The following SH3TC2 variants were observed in gnomAD, a reference collection of about 807,000 sequenced individuals.
SH3TC2 encodes the protein SH3 domain and tetratricopeptide repeats 2.
Under a neutral mutation model 124.5 loss-of-function variants are expected in SH3TC2, and 87 were observed. That is an observed-to-expected ratio of 0.70 (90% CI 0.59 to 0.84). The LOEUF (loss-of-function observed/expected upper bound fraction) is 0.84, where lower values mean the gene tolerates loss of function less well. Among genes scored for constraint, SH3TC2 ranks in the 40% least tolerant of loss-of-function variants. The pLI, the probability that SH3TC2 is intolerant of heterozygous loss-of-function variation, is 0.00. For missense variants in SH3TC2, 1,536 were observed against 1,566.4 expected (o/e 0.98, Z 0.33); for synonymous variants, 634 against 628.5 (o/e 1.01, Z -0.13).
Position 148,990,628 on chromosome 5 carries a change from T to A in SH3TC2, c.*14083A>T, listed in dbSNP as rs562719460. On this transcript the variant is annotated 3_prime_UTR_variant, in exon 17 of 17. Transcript: ENST00000515425. ...TTCTCCAAGACCTTGTTTCCTCACC[T>A]ATAAAATGGGCATGTTAATAATACC... Among the ~76,000 whole-genome samples the A allele has an allele frequency of 1.3e-5, 2 of 152,298 alleles. No individual in the cohort carries two copies. Among genetic ancestry groups the A allele is most frequent in the South Asian group, 4.1e-4 (2 of 4,822 alleles).
chr5:149,004,815 T>C lies in SH3TC2; in HGVS notation c.3763A>G (p.Ser1255Gly), dbSNP rs1753658226. Residue 1255 changes from serine (S) to glycine (G), a missense_variant, in exon 17 of 17, where the codon AGC becomes GGC. Coordinates refer to ENST00000515425, the MANE Select transcript of SH3TC2 (RefSeq NM_024577.4). ...CTCTGGCAGATGTTGTCCAGCCTGC[T>C]CCTAATGGTGTCCTGAAGCTCCTCA... is the stretch of plus-strand genomic sequence containing the variant. ...GDEELQDTIR[S>G]RLDNICQSPL... is the part of the protein sequence containing the mutation. 2 of 1,613,966 alleles carry C rather than the reference T, an allele frequency of 1.2e-6. No homozygotes were observed. Among genetic ancestry groups the C allele is most frequent in the African/African-American group, 1.3e-5 (1 of 74,892 alleles).
chr5:149,011,983 A>T (rs1580890946), intron 13 of SH3TC2, among the ~76,000 whole-genome samples: 1 of 152,178 alleles, frequency 6.6e-6, no homozygotes, highest in African/African-American at 2.4e-5. Context: ...ACTAATCCTT[A>T]TGCTAAAAGA....
rs1344068261 is a variant in SH3TC2, at chr5:149,028,661, C to A, written c.1177+16G>T. ...CCTCAAGGATGAATGTCAGGTTCAG[C>A]ATGATCGCTACTCACCACTCAGATC... On this transcript the variant is annotated intron_variant, in intron 10 of 16. Coordinates refer to ENST00000515425, the MANE Select transcript of SH3TC2 (RefSeq NM_024577.4). 1 of 1,614,072 alleles carries A rather than the reference C, an allele frequency of 6.2e-7. No homozygotes were observed. Among genetic ancestry groups the A allele is most frequent in the African/African-American group, 1.3e-5 (1 of 74,926 alleles).
rs765690419 is a variant in SH3TC2 at position 149,041,454 on chromosome 5, C to T, written c.693G>A (p.Leu231=). 1 of 1,613,574 alleles carries T rather than the reference C, an allele frequency of 6.2e-7. No homozygotes were observed. Among genetic ancestry groups the T allele is most frequent in the Non-Finnish European group, 8.5e-7 (1 of 1,180,026 alleles). The change falls in exon 6 of 17, where the codon CTG becomes CTA. Residue 231 remains leucine (L), a synonymous_variant. Transcript: ENST00000515425. ...SLVTGQRGLV[L]VSALEPLPLP... Reference sequence around the variant, plus strand: ...GAGGCAGAGGCTCCAAGGCTGACACCAGTACCAGGCCCCGCTGACCTGTCA... The same window carrying T: ...GAGGCAGAGGCTCCAAGGCTGACACTAGTACCAGGCCCCGCTGACCTGTCA...
chr5:149,057,463 A>C (rs1318163945), intron 1 of SH3TC2: 2 of 151,884 alleles, frequency 1.3e-5, no homozygotes, highest in Non-Finnish European at 2.9e-5. Flanking sequence ...ATGCAGGTTT[A>C]TTATATAGGT....
intron 14 of SH3TC2, among the ~76,000 whole-genome samples, chr5:149,009,388 G>C (rs1224263828): frequency 7.9e-6 from 1 of 126,814 alleles, no homozygotes; most frequent in Non-Finnish European, 1.7e-5. Flanking sequence ...ATCTCAAAAA[G>C]TGGTCATTTC....
rs1469122311 is a variant in SH3TC2 at position 148,997,009 on chromosome 5, A to C, written c.*7702T>G. On this transcript the variant is annotated 3_prime_UTR_variant, in exon 17 of 17. Coordinates refer to ENST00000515425, the MANE Select transcript of SH3TC2 (RefSeq NM_024577.4). ...GTGAGTAAAAAAAGTGCTACTACCA[A>C]CATTTATGCATAAGAAACAAAGCAT... is the stretch of plus-strand genomic sequence containing the variant. Among the ~76,000 whole-genome samples the C allele has an allele frequency of 6.6e-6, 1 of 152,254 alleles. No homozygotes were observed. Among genetic ancestry groups the C allele is most frequent in the Non-Finnish European group, 1.5e-5 (1 of 68,052 alleles).
intron 9 of SH3TC2, among the ~76,000 whole-genome samples, chr5:149,028,975 C>T (rs1446034787): frequency 7.1e-6 from 1 of 141,068 alleles, no homozygotes; most frequent in African/African-American, 2.7e-5. Context: ...AGAAGAAAAC[C>T]TGGAAACACA....
At chr5:149,061,429 G>C (rs539201014) in intron 1 of SH3TC2, among the ~76,000 whole-genome samples, 1 of 152,080 alleles carries the variant, frequency 6.6e-6, no homozygotes, top group Non-Finnish European at 1.5e-5. Context: ...GGGAGAGCGC[G>C]AGTTATACTG....
At chr5:149,038,209 A>C in intron 8 of SH3TC2, 86 bp downstream of exon 8, 2 of 1,360,012 alleles carry the variant, frequency 1.5e-6, no homozygotes. Context: ...GCACCCTCGA[A>C]GCTCAACTGC....
chr5:149,000,402 G>A lies in SH3TC2; in HGVS notation c.*4309C>T, dbSNP rs1753578462. 6.6e-6 allele frequency among the ~76,000 whole-genome samples: 1 copy of A among 152,164 alleles called. No homozygotes were observed. Among genetic ancestry groups the A allele is most frequent in the Admixed American group, 6.5e-5 (1 of 15,282 alleles). The stretch of plus-strand genomic sequence containing the variant: ...CTGTTTTCAAACAATGCCAGATAAG[G>A]CCTAGGCTGGGTGCTTGCAATGAGC... On this transcript the variant is annotated 3_prime_UTR_variant, in exon 17 of 17. Coordinates refer to ENST00000515425, the MANE Select transcript of SH3TC2 (RefSeq NM_024577.4).
chr5:149,008,714 A>C, intron 15 of SH3TC2, 137 bp downstream of exon 15: 1 of 1,237,172 alleles, frequency 8.1e-7, no homozygotes, highest in Non-Finnish European at 1.2e-6. Context: ...TTGCTTAACT[A>C]AGGTCTCTCT....
In SH3TC2 at chr5:149,027,225, C is replaced by A. The variant is rs1298358463; in HGVS notation, c.2507G>T (p.Gly836Val). 2.5e-6 allele frequency: 4 copies of A among 1,614,226 alleles called. No individual in the cohort carries two copies. The South Asian group carries it at 4.4e-5, about 18-fold the overall frequency. ...AAGTCCCAGGAGGTTATAGATGACT[C>A]CCCTTTGAGTGAGACTCTCTGTCTC... ...LKETESLTQRGVIYNLLGLAL... is the reference protein window; with the variant it reads ...LKETESLTQRVVIYNLLGLAL... The change falls in exon 11 of 17, where the codon GGA (glycine) becomes GTA (valine). Residue 836 changes from glycine (G) to valine (V), a missense_variant. Gly to Val is a moderately radical substitution (Grantham distance 109). Transcript: ENST00000515425.
chr5:148,986,095 A>G lies in SH3TC2; in HGVS notation c.*18616T>C, dbSNP rs1403631142. Among the ~76,000 whole-genome samples, 2 of 152,194 alleles carry G rather than the reference A, an allele frequency of 1.3e-5. No homozygotes were observed. Among genetic ancestry groups the G allele is most frequent in the Non-Finnish European group, 2.9e-5 (2 of 68,030 alleles). On this transcript the variant is annotated 3_prime_UTR_variant, in exon 17 of 17. Transcript: ENST00000515425. Reference sequence around the variant, plus strand: ...CTTTAAGTAAGGCTGTTTTGATCCAATTATAATCAATTTTCACTCACTAAG... The same window carrying G: ...CTTTAAGTAAGGCTGTTTTGATCCAGTTATAATCAATTTTCACTCACTAAG...
intron 12 of SH3TC2, among the ~76,000 whole-genome samples, chr5:149,024,357 G>T (rs11740300): frequency 0.042 from 6,390 of 152,218 alleles, 192 homozygotes; most frequent in Non-Finnish European, 0.068. Flanking sequence ...CATAATGTCT[G>T]CCCACAAGAC....
Position 148,989,678 on chromosome 5 carries a change from T to C in SH3TC2, c.*15033A>G, listed in dbSNP as rs1753391328. On this transcript the variant is annotated 3_prime_UTR_variant, in exon 17 of 17. Coordinates refer to ENST00000515425, the MANE Select transcript of SH3TC2 (RefSeq NM_024577.4). ...TTGCACTGATAATAAAACAGTCTGA[T>C]AAAATCTTATGCCATTCTTCCAGAA... Among the ~76,000 whole-genome samples, 1 of 152,234 alleles carries C rather than the reference T, an allele frequency of 6.6e-6. No individual in the cohort carries two copies. The highest frequency in any genetic ancestry group is 2.4e-5 in the African/African-American group (1 of 41,466).
At chr5:149,029,701 A>C (rs1484549172) in intron 9 of SH3TC2, among the ~76,000 whole-genome samples, 1 of 152,100 alleles carries the variant, frequency 6.6e-6, no homozygotes, top group Non-Finnish European at 1.5e-5. Context: ...GGTGACTTAA[A>C]ACATAACCAC....
rs184593694 is a variant in SH3TC2, at chr5:149,044,530, T to C, written c.385+3A>G. On this transcript the variant is annotated splice_donor_region_variant and intron_variant, in intron 4 of 16. Coordinates refer to ENST00000515425, the MANE Select transcript of SH3TC2 (RefSeq NM_024577.4). ...TCCTCCACCTGCTTGCCTTGTACCATACCTAAATTAAGGTAGGTGGAGAAC... is the reference window on the plus strand; with the variant it reads ...TCCTCCACCTGCTTGCCTTGTACCACACCTAAATTAAGGTAGGTGGAGAAC... 74 of 1,611,044 alleles carry C rather than the reference T, an allele frequency of 4.6e-5. No individual in the cohort carries two copies. In the African/African-American group the frequency reaches 8.2e-4, roughly 18 times the overall value.
chr5:149,005,186 T>G (rs1313541737), intron 16 of SH3TC2, among the ~76,000 whole-genome samples: 2 of 152,128 alleles, frequency 1.3e-5, no homozygotes, highest in Non-Finnish European at 2.9e-5. Flanking sequence ...GCACAGTGCT[T>G]CAGGGATGTG....
Sources: allele counts gnomAD v4.1 joint callset (sites outside exome capture counted in the v4.1 genomes callset), GRCh38; gene constraint gnomAD v4.1.1; transcripts MANE v1.5; gene names NCBI Gene and HGNC (gene_info 2026-07-23, HGNC 2026-07-21).